SUZ12: variants seen among roughly 807,000 people sequenced by gnomAD.
SUZ12 encodes the protein SUZ12 polycomb repressive complex 2 subunit.
A neutral mutation model predicts 87.3 loss-of-function variants in SUZ12; 17 were observed. The ratio of observed to expected loss-of-function variants is 0.19; its 90% CI spans 0.13 to 0.29. The LOEUF is 0.29. SUZ12 is among the 10% of genes least tolerant of loss of function. The pLI is 1.00. For synonymous variants in SUZ12, 253 were observed against 312.4 expected, an observed-to-expected ratio of 0.81 and a Z score of 2.01; for missense variants, 526 against 912.2, an observed-to-expected ratio of 0.58 and a Z score of 5.45.
At chr17:31,949,606 T>C (rs1330539311) in intron 4 of SUZ12, among the ~76,000 whole-genome samples, 3 of 133,366 alleles carry the variant, frequency 2.2e-5, no homozygotes, top group African/African-American at 8.5e-5. Context: ...CAAGCAATTA[T>C]CCTGCCTCAG....
chr17:31,983,379 G>A (rs560062918), intron 9 of SUZ12, among the ~76,000 whole-genome samples: 2 of 150,254 alleles, frequency 1.3e-5, no homozygotes, highest in Non-Finnish European at 3.0e-5. Flanking sequence ...GGGTTCAAGC[G>A]ATTCTCCTGT....
chr17:31,962,711 A>G (rs11871335), intron 4 of SUZ12, among the ~76,000 whole-genome samples: 6,520 of 151,526 alleles, frequency 0.043, 149 homozygotes, highest in African/African-American at 0.15. Flanking sequence ...TTCTGACTCT[A>G]TAAATTCAAT....
At chr17:31,964,524 G>A (rs542193) in intron 4 of SUZ12, among the ~76,000 whole-genome samples, 18,174 of 138,208 alleles carry the variant, frequency 0.13, 1,055 homozygotes, top group Middle Eastern at 0.16. Context: ...CTCCTGCCTC[G>A]GCCTCCTGAG....
intron 4 of SUZ12, among the ~76,000 whole-genome samples, chr17:31,952,632 G>A (rs759697667): frequency 1.3e-5 from 2 of 151,990 alleles, no homozygotes; most frequent in African/African-American, 2.4e-5. Flanking sequence ...GCGCGATCTC[G>A]GCTTACTGCA....
At chr17:31,955,611 A>G (rs532868407) in intron 4 of SUZ12, among the ~76,000 whole-genome samples, 2 of 152,064 alleles carry the variant, frequency 1.3e-5, no homozygotes, top group East Asian at 3.9e-4. Context: ...AGCTGGGCAG[A>G]GTGTCGTGCA....
chr17:31,977,962 C>T (rs142876764), intron 8 of SUZ12, among the ~76,000 whole-genome samples: 374 of 152,250 alleles, frequency 2.5e-3, no homozygotes, highest in African/African-American at 8.7e-3. Context: ...TGGCAAGAAA[C>T]ACAGACTTAT....
intron 8 of SUZ12, among the ~76,000 whole-genome samples, chr17:31,980,429 C>CTTTTTTTTTTTTTTTTTTTTT (rs58491591): frequency 3.7e-5 from 2 of 53,814 alleles, no homozygotes; most frequent in Non-Finnish European, 6.6e-5. Flanking sequence ...TCACCTTCTC[C>CTTTTTTTTTTTTTTTTTTTTT]TTTTTTTTTT....
chr17:31,973,283 T>G, intron 6 of SUZ12, 52 bp downstream of exon 6: 1 of 1,303,838 alleles, frequency 7.7e-7, no homozygotes, highest in Non-Finnish European at 1.1e-6. Flanking sequence ...TTTGCTTAAT[T>G]GGACATCTTT....
intron 1 of SUZ12, among the ~76,000 whole-genome samples, chr17:31,940,068 T>C (rs1302630483): frequency 7.2e-5 from 11 of 152,200 alleles, no homozygotes; most frequent in Non-Finnish European, 1.6e-4. Context: ...ACCTTCAGTA[T>C]AAAAAGCATA....
intron 4 of SUZ12, among the ~76,000 whole-genome samples, chr17:31,954,983 T>C (rs1462207027): frequency 1.3e-5 from 2 of 152,192 alleles, no homozygotes; most frequent in African/African-American, 4.8e-5. Context: ...TGTTCGTTCT[T>C]TTTGTTGTTG....
rs1377082663 is a variant in SUZ12, at chr17:31,999,645, A to AT, written c.*642_*643insT. 2 of 232,010 alleles carry AT rather than the reference A, an allele frequency of 8.6e-6. No homozygotes were observed. Among genetic ancestry groups the AT allele is most frequent in the Non-Finnish European group, 1.7e-5 (2 of 117,372 alleles). 14.4% of individuals were successfully genotyped at this position (232,010 alleles called of 1,614,324 possible). On this transcript the variant is annotated 3_prime_UTR_variant, in exon 16 of 16. Coordinates refer to ENST00000322652, the MANE Select transcript of SUZ12 (RefSeq NM_015355.4). ...CTTATGCCTGTTTGAGAAGATATTAAATTTTCACATTGTTGACAGTGAAAT... is the reference window on the plus strand; with the variant it reads ...CTTATGCCTGTTTGAGAAGATATTAATATTTTCACATTGTTGACAGTGAAAT...
intron 6 of SUZ12, among the ~76,000 whole-genome samples, chr17:31,973,644 G>C (rs1370049268): frequency 6.6e-6 from 1 of 152,136 alleles, no homozygotes; most frequent in African/African-American, 2.4e-5. Flanking sequence ...TTTGTTGTCA[G>C]CGTTATTAGC....
intron 3 of SUZ12, 134 bp from the exon 4 acceptor site, chr17:31,947,483 A>G: frequency 1.7e-6 from 2 of 1,151,954 alleles, no homozygotes; most frequent in South Asian, 1.4e-5. Flanking sequence ...TGTTATGGCT[A>G]ATCATCCATA....
At chr17:31,955,489 C>G (rs542827700) in intron 4 of SUZ12, among the ~76,000 whole-genome samples, 201 of 152,180 alleles carry the variant, frequency 1.3e-3, no homozygotes, top group African/African-American at 4.7e-3. Flanking sequence ...TGACTCATGC[C>G]TGTAGTCCCA....
At chr17:31,941,801 G>A (rs1906303626) in intron 3 of SUZ12, among the ~76,000 whole-genome samples, 2 of 151,818 alleles carry the variant, frequency 1.3e-5, no homozygotes, top group African/African-American at 4.8e-5. Context: ...CGCCTGCCTC[G>A]GCCTCCCAAA....
At chr17:31,994,429 C>T (rs188762585) in intron 12 of SUZ12, 135 bp from the exon 13 acceptor site, 173 of 705,958 alleles carry the variant, frequency 2.5e-4, no homozygotes, top group Admixed American at 5.7e-4. Flanking sequence ...CTTCTGACTG[C>T]CTGTTTACCA....
intron 6 of SUZ12, 55 bp from the exon 7 acceptor site, chr17:31,975,427 A>C: frequency 8.1e-7 from 1 of 1,236,936 alleles, no homozygotes; most frequent in Non-Finnish European, 1.1e-6. Flanking sequence ...GTTTTATTAT[A>C]ATTCTTATTG....
chr17:31,988,403 T>G lies in SUZ12; in HGVS notation c.1107T>G (p.Ser369=). Residue 369 remains serine, a synonymous_variant, in exon 10 of 16, where the codon TCT becomes TCG. Coordinates refer to ENST00000322652, the MANE Select transcript of SUZ12 (RefSeq NM_015355.4). ...LRWTGETNDK[S]TAPIAKPLAT... ...GGACAGGAGAGACCAATGATAAATC[T>G]ACGGCTCCTATTGCCAAACCTCTTG... 1 of 1,613,958 alleles carries G rather than the reference T, an allele frequency of 6.2e-7. No homozygotes were observed. Among genetic ancestry groups the G allele is most frequent in the Admixed American group, 1.7e-5 (1 of 59,968 alleles).
intron 10 of SUZ12, among the ~76,000 whole-genome samples, chr17:31,990,562 A>G (rs1458130278): frequency 3.3e-5 from 5 of 151,968 alleles, no homozygotes; most frequent in South Asian, 2.1e-4. Context: ...ACAGGGTTTC[A>G]TCATGTTGGC....
Sources: gnomAD v4.1 joint callset for allele counts (sites outside exome capture counted in the v4.1 genomes callset) on GRCh38, gnomAD v4.1.1 for gene constraint, MANE v1.5 for transcripts, NCBI Gene and HGNC (gene_info 2026-07-23, HGNC 2026-07-21) for gene names.